STRN: variants seen among roughly 807,000 people sequenced by gnomAD.
The protein encoded by STRN is striatin, also known as protein phosphatase 2 regulatory subunit B'''alpha.
A neutral mutation model predicts 96.3 loss-of-function variants in STRN; 53 were observed. That is an observed-to-expected ratio of 0.55 (90% CI 0.44 to 0.69). The LOEUF is 0.69. STRN is among the 30% of genes least tolerant of loss of function. STRN has a pLI of 0.00. For synonymous variants in STRN, 428 were observed against 355.9 expected (o/e 1.20, Z -2.28); for missense variants, 987 against 963.9 (o/e 1.02, Z -0.32).
At chr2:36,863,972 T>A (rs927034244) in intron 12 of STRN, among the ~76,000 whole-genome samples, 4 of 152,234 alleles carry the variant, frequency 2.6e-5, no homozygotes, top group African/African-American at 9.6e-5. Flanking sequence ...ATTATTGGTG[T>A]GTATAAATGG....
rs1026489974 is a variant in STRN, at chr2:36,844,670, T to C, written c.*4786A>G. On this transcript the variant is annotated 3_prime_UTR_variant, in exon 18 of 18. Transcript: ENST00000263918. ...TCTAGGGATCTGTTTGGCCTAACAT[T>C]TGTTTTTTTTAGAATTAAAAAAACA... The C allele has an allele frequency of 6.6e-6, 1 of 152,118 alleles. No individual in the cohort carries two copies. The highest frequency in any genetic ancestry group is 1.5e-5 in the Non-Finnish European group (1 of 68,000). 9.4% of individuals were successfully genotyped at this position (152,118 alleles called of 1,614,324 possible). A position where few individuals can be genotyped will look rare whatever the true frequency, so the allele number is the denominator to read the frequency against.
intron 2 of STRN, among the ~76,000 whole-genome samples, chr2:36,917,465 A>C (rs1253125701): frequency 6.6e-6 from 1 of 150,690 alleles, no homozygotes; most frequent in Non-Finnish European, 1.5e-5. Flanking sequence ...GGTTGCAGTG[A>C]GTGAGCCAAG....
chr2:36,861,326 A>G, intron 12 of STRN, 73 bp from the exon 13 acceptor site: 1 of 1,554,428 alleles, frequency 6.4e-7, no homozygotes, highest in Non-Finnish European at 8.7e-7. Flanking sequence ...GTTAAAAATA[A>G]GAATGTTTAA....
At chr2:36,942,767 C>G (rs942754067) in intron 1 of STRN, among the ~76,000 whole-genome samples, 2 of 152,060 alleles carry the variant, frequency 1.3e-5, no homozygotes, top group Non-Finnish European at 2.9e-5. Context: ...GTGATCTCAG[C>G]TCACTGCAAC....
At chr2:36,897,450 T>C (rs1669572611) in intron 6 of STRN, among the ~76,000 whole-genome samples, 1 of 151,576 alleles carries the variant, frequency 6.6e-6, no homozygotes. Flanking sequence ...TATATATTTT[T>C]TTTTTGAGAC....
intron 7 of STRN, among the ~76,000 whole-genome samples, chr2:36,893,151 G>C (rs1489488922): frequency 6.6e-6 from 1 of 151,934 alleles, no homozygotes; most frequent in Non-Finnish European, 1.5e-5. Flanking sequence ...CATAAACATA[G>C]CAGATCCTGC....
At position 36,896,942 on chromosome 2, in the gene STRN, C is replaced by T. The variant is rs369127894; in HGVS notation, c.795+2581G>A. Among the ~76,000 whole-genome samples the T allele has an allele frequency of 2.0e-4, 31 of 152,136 alleles. 2 individuals are homozygous for T. In the South Asian group the frequency reaches 6.0e-3, roughly 30 times the overall value. On this transcript the variant is annotated intron_variant, in intron 6 of 17. Transcript: ENST00000263918. ...CTGCACTTTGGGAGGCCAAGGCAGG[C>T]GGATCACCTGAGGTCAGGAGTTCGA...
intron 1 of STRN, among the ~76,000 whole-genome samples, chr2:36,939,220 C>T (rs771254887): frequency 4.6e-5 from 7 of 152,012 alleles, no homozygotes; most frequent in South Asian, 2.1e-4. Flanking sequence ...TGTGAGCCGC[C>T]GCGCCCAGCC....
At chr2:36,916,300 A>G in intron 2 of STRN, 149 bp from the exon 3 acceptor site, 1 of 661,550 alleles carries the variant, frequency 1.5e-6, no homozygotes, top group South Asian at 2.1e-5. Flanking sequence ...CAAAGTTATA[A>G]TACAAAAGTG....
chr2:36,858,276 TC>T (rs1479475659), intron 13 of STRN, among the ~76,000 whole-genome samples: 2 of 152,156 alleles, frequency 1.3e-5, no homozygotes, highest in Admixed American at 1.3e-4. Flanking sequence ...GAGTATTTCC[TC>T]CCCCTTCCTT....
At chr2:36,937,353 AAAAAAG>A (rs1202748156) in intron 1 of STRN, among the ~76,000 whole-genome samples, 1 of 151,376 alleles carries the variant, frequency 6.6e-6, no homozygotes, top group Non-Finnish European at 1.5e-5. Context: ...AAAAAAAAAA[AAAAAAG>A]AAAAGAAAAG....
chr2:36,884,134 T>C lies in STRN; in HGVS notation c.1043-59A>G, dbSNP rs553151743. Reference sequence around the variant, plus strand: ...AAAAGAGAAAAGAGAATTATCCAATTGCATCAAAATGGTATTATAAGCCTT... The same window carrying C: ...AAAAGAGAAAAGAGAATTATCCAATCGCATCAAAATGGTATTATAAGCCTT... On this transcript the variant is annotated intron_variant, in intron 8 of 17. Transcript: ENST00000263918. 3.6e-5 allele frequency: 46 copies of C among 1,277,628 alleles called. No individual in the cohort carries two copies. In the African/African-American group the frequency reaches 6.1e-4, roughly 17 times the overall value. 79.1% of individuals were successfully genotyped at this position (1,277,628 alleles called of 1,614,324 possible).
intron 10 of STRN, among the ~76,000 whole-genome samples, chr2:36,876,140 C>T (rs566694562): frequency 1.3e-5 from 2 of 151,354 alleles, no homozygotes; most frequent in African/African-American, 4.9e-5. Flanking sequence ...TGTGATGGTG[C>T]GTGCCTATGG....
In STRN at chr2:36,845,263, AAAAC is replaced by A. The variant is rs1170115235; in HGVS notation, c.*4189_*4192del. ...TAATTTTAAGCAATTCTTTCAAAGA[AAAAC>A]AAAATTAATTCTAAGCCTTTCAGTC... On this transcript the variant is annotated 3_prime_UTR_variant, in exon 18 of 18. Transcript: ENST00000263918. 1 of 152,214 alleles carries A rather than the reference AAAAC, an allele frequency of 6.6e-6. No individual in the cohort carries two copies. Among genetic ancestry groups the A allele is most frequent in the African/African-American group, 2.4e-5 (1 of 41,470 alleles). The allele number at this position is 152,214 out of a possible 1,614,324, so 9.4% of individuals were successfully genotyped here. A position where few individuals can be genotyped will look rare whatever the true frequency, so the allele number is the denominator to read the frequency against.
chr2:36,886,443 G>A (rs1669228688), intron 8 of STRN, among the ~76,000 whole-genome samples: 1 of 152,150 alleles, frequency 6.6e-6, no homozygotes, highest in Admixed American at 6.5e-5. Context: ...TTATCACTGT[G>A]TTTGAATACA....
intron 13 of STRN, among the ~76,000 whole-genome samples, chr2:36,859,760 A>G (rs1048088412): frequency 6.6e-6 from 1 of 152,238 alleles, no homozygotes; most frequent in African/African-American, 2.4e-5. Context: ...AGGGTCAAAA[A>G]GCCAATAGAA....
chr2:36,947,345 T>G (rs1289336911), intron 1 of STRN, among the ~76,000 whole-genome samples: 2 of 151,838 alleles, frequency 1.3e-5, no homozygotes, highest in African/African-American at 4.8e-5. Context: ...TAAATCGAAA[T>G]GTCAAAATTT....
At position 36,952,322 on chromosome 2, in the gene STRN, C is replaced by T. The variant is rs188924896; in HGVS notation, c.234+13908G>A. On this transcript the variant is annotated intron_variant, in intron 1 of 17. Coordinates refer to ENST00000263918, the MANE Select transcript of STRN (RefSeq NM_003162.4). ...AAGCTGTTAGGGAAGCACGAAGCTT[C>T]CTTGTGCCTGGAAGTCAGACAGGTT... 2.4e-3 allele frequency among the ~76,000 whole-genome samples: 366 copies of T among 152,242 alleles called. 1 individual carries two copies. Among genetic ancestry groups the T allele is most frequent in the Non-Finnish European group, 3.2e-3 (219 of 68,026 alleles).
intron 1 of STRN, among the ~76,000 whole-genome samples, chr2:36,936,193 T>C (rs1158143684): frequency 6.6e-6 from 1 of 152,178 alleles, no homozygotes; most frequent in African/African-American, 2.4e-5. Flanking sequence ...ATTTCATCTC[T>C]GAAAAGACTG....
Sources: gnomAD v4.1 joint callset for allele counts (sites outside exome capture counted in the v4.1 genomes callset) on GRCh38, gnomAD v4.1.1 for gene constraint, MANE v1.5 for transcripts, NCBI Gene and HGNC (gene_info 2026-07-23, HGNC 2026-07-21) for gene names.